Variants in TIAM1 observed in about 807,000 individuals in gnomAD.
The protein encoded by TIAM1 is rho guanine nucleotide exchange factor TIAM1.
TIAM1 carries 65 observed loss-of-function variants against 163.5 expected under a neutral mutation model. The observed-to-expected ratio is 0.40, with a 90% CI of 0.33 to 0.49. The LOEUF (loss-of-function observed/expected upper bound fraction) is 0.49, where lower values mean the gene tolerates loss of function less well. TIAM1 is among the 20% of genes least tolerant of loss of function. The probability of loss-of-function intolerance (pLI) is 0.77; values close to 1 mark genes in which losing one functional copy is unlikely to be tolerated. For synonymous variants in TIAM1, 833 were observed against 810.1 expected, an observed-to-expected ratio of 1.03 and a Z score of -0.48; for missense variants, 1,789 against 2,044.7, an observed-to-expected ratio of 0.87 and a Z score of 2.41.
At chr21:31,432,093 T>C (rs2044053094) in intron 2 of TIAM1, among the ~76,000 whole-genome samples, 1 of 93,664 alleles carries the variant, frequency 1.1e-5, no homozygotes. Context: ...TAAGATTCCT[T>C]TTTTTTTTTT....
At chr21:31,196,642 G>C (rs1337401763) in intron 12 of TIAM1, among the ~76,000 whole-genome samples, 1 of 152,088 alleles carries the variant, frequency 6.6e-6, no homozygotes, top group African/African-American at 2.4e-5. Context: ...CTTATACACT[G>C]TTGTTGGGAA....
chr21:31,369,231 A>AAAAAAAAAAAAAAAAG (rs1314209679), intron 2 of TIAM1, among the ~76,000 whole-genome samples: 50 of 150,240 alleles, frequency 3.3e-4, no homozygotes, highest in African/African-American at 1.2e-3. Flanking sequence ...ATCTCAAAAA[A>AAAAAAAAAAAAAAAAG]AAAGAAAGAA....
intron 4 of TIAM1, among the ~76,000 whole-genome samples, chr21:31,255,179 A>T (rs1255328687): frequency 6.6e-6 from 1 of 152,192 alleles, no homozygotes; most frequent in Admixed American, 6.5e-5. Context: ...CATGCTTTGG[A>T]AGCAAACAGC....
At chr21:31,383,465 A>G (rs1389937100) in intron 2 of TIAM1, among the ~76,000 whole-genome samples, 1 of 152,170 alleles carries the variant, frequency 6.6e-6, no homozygotes, top group African/African-American at 2.4e-5. Flanking sequence ...TGGTAGGATG[A>G]GTCCTTTCCC....
intron 10 of TIAM1, chr21:31,212,606 CT>C (rs35838120): frequency 0.017 from 1,547 of 93,668 alleles, 10 homozygotes; most frequent in African/African-American, 0.052. Context: ...GCCTGTGAAT[CT>C]TTTTTTTTTT....
intron 11 of TIAM1, 119 bp downstream of exon 11, chr21:31,209,926 G>C: frequency 5.0e-6 from 5 of 997,088 alleles, no homozygotes; most frequent in Non-Finnish European, 7.2e-6. Flanking sequence ...GAAATGAAAG[G>C]GAGGTGTGTT....
intron 2 of TIAM1, among the ~76,000 whole-genome samples, chr21:31,294,728 A>C (rs1011922341): frequency 6.6e-6 from 1 of 152,222 alleles, no homozygotes; most frequent in Middle Eastern, 3.2e-3. Context: ...AGCATCCATG[A>C]GAAGAAGGAG....
intron 2 of TIAM1, among the ~76,000 whole-genome samples, chr21:31,338,144 A>G (rs2075904109): frequency 6.6e-6 from 1 of 152,190 alleles, no homozygotes; most frequent in African/African-American, 2.4e-5. Flanking sequence ...CGGAGAAAGG[A>G]GTGGCTACGC....
intron 2 of TIAM1, among the ~76,000 whole-genome samples, chr21:31,361,834 A>AG (rs2076410430): frequency 8.7e-6 from 1 of 114,796 alleles, no homozygotes; most frequent in Non-Finnish European, 1.8e-5. Context: ...TGAGGAAGAA[A>AG]GATTAGATAG....
rs1304468363 is a variant in TIAM1, at chr21:31,252,125, G to A, written c.1028C>T (p.Thr343Met). ...DSGIEGATTD[T>M]DLLSRRSNAT... Reference sequence around the variant, plus strand: ...ATTAGATCGCCTGGACAGGAGGTCCGTGTCGGTAGTGGCCCCTTCAATCCC... The same window carrying A: ...ATTAGATCGCCTGGACAGGAGGTCCATGTCGGTAGTGGCCCCTTCAATCCC... The change falls in exon 5 of 28, where the codon ACG becomes ATG. Residue 343 changes from threonine (T) to methionine (M), a missense_variant. Coordinates refer to ENST00000541036, the MANE Select transcript of TIAM1 (RefSeq NM_001353694.2). 1.9e-6 allele frequency: 3 copies of A among 1,612,604 alleles called. No individual in the cohort carries two copies. Among genetic ancestry groups the A allele is most frequent in the Admixed American group, 1.7e-5 (1 of 60,024 alleles).
chr21:31,371,489 T>C (rs1450520593), intron 2 of TIAM1, among the ~76,000 whole-genome samples: 1 of 152,212 alleles, frequency 6.6e-6, no homozygotes, highest in South Asian at 2.1e-4. Flanking sequence ...ACAGCTCCTA[T>C]ACACATGCCA....
intron 1 of TIAM1, among the ~76,000 whole-genome samples, chr21:31,550,667 T>C (rs894443759): frequency 6.6e-6 from 1 of 152,086 alleles, no homozygotes; most frequent in African/African-American, 2.4e-5. Context: ...ATAAAAACAA[T>C]CTATAGAGAA....
chr21:31,179,546 GAA>G (rs11444840), intron 15 of TIAM1, among the ~76,000 whole-genome samples: 3 of 136,938 alleles, frequency 2.2e-5, no homozygotes, highest in African/African-American at 5.2e-5. Flanking sequence ...CCGCTTAATT[GAA>G]AAAAAAAAAA....
intron 16 of TIAM1, among the ~76,000 whole-genome samples, chr21:31,164,399 A>T (rs2084104685): frequency 6.6e-6 from 1 of 152,108 alleles, no homozygotes; most frequent in African/African-American, 2.4e-5. Flanking sequence ...CAAAAAAAAA[A>T]AAAAAAAATT....
At chr21:31,300,182 G>A (rs1383544900) in intron 2 of TIAM1, among the ~76,000 whole-genome samples, 1 of 152,042 alleles carries the variant, frequency 6.6e-6, no homozygotes. Flanking sequence ...CTCCCCACTC[G>A]GTATCTTGCT....
At chr21:31,466,345 T>G (rs371869317) in intron 1 of TIAM1, among the ~76,000 whole-genome samples, 1 of 152,086 alleles carries the variant, frequency 6.6e-6, no homozygotes, top group African/African-American at 2.4e-5. Flanking sequence ...TGAAGGCAGG[T>G]TGACTTAGAC....
intron 16 of TIAM1, among the ~76,000 whole-genome samples, chr21:31,154,713 G>C (rs901000167): frequency 4.6e-5 from 7 of 152,224 alleles, no homozygotes; most frequent in Non-Finnish European, 1.0e-4. Flanking sequence ...GAGGGGTTAA[G>C]TAACTCATCC....
At chr21:31,397,133 T>G (rs1270308222) in intron 2 of TIAM1, among the ~76,000 whole-genome samples, 3 of 152,168 alleles carry the variant, frequency 2.0e-5, no homozygotes, top group Non-Finnish European at 4.4e-5. Flanking sequence ...TAGCAGCAGA[T>G]CTTTAGATGT....
At chr21:31,325,460 G>A (rs1463194067) in intron 2 of TIAM1, among the ~76,000 whole-genome samples, 2 of 151,968 alleles carry the variant, frequency 1.3e-5, no homozygotes, top group Admixed American at 6.6e-5. Flanking sequence ...TTGAGGTCAG[G>A]AGTTCGAGAC....
Sources: allele counts gnomAD v4.1 joint callset (sites outside exome capture counted in the v4.1 genomes callset), GRCh38; gene constraint gnomAD v4.1.1; transcripts MANE v1.5; gene names NCBI Gene and HGNC (gene_info 2026-07-23, HGNC 2026-07-21).